Variants in RORB observed in about 807,000 individuals in gnomAD.
RORB encodes the protein RAR related orphan receptor B.
Under a neutral mutation model 59.1 loss-of-function variants are expected in RORB, and 6 were observed. The ratio of observed to expected loss-of-function variants is 0.10; its 90% CI spans 0.06 to 0.20. The LOEUF (loss-of-function observed/expected upper bound fraction) is 0.20. RORB is among the 10% of genes least tolerant of loss of function. The pLI is 1.00. For missense variants in RORB, 320 were observed against 560.5 expected (o/e 0.57, Z 4.33); for synonymous variants, 215 against 204.5 (o/e 1.05, Z -0.44).
At chr9:74,615,948 T>A (rs1823306200) in intron 1 of RORB, among the ~76,000 whole-genome samples, 1 of 152,210 alleles carries the variant, frequency 6.6e-6, no homozygotes, top group Admixed American at 6.5e-5. Flanking sequence ...CATATGAACA[T>A]CCTTCTCACA....
At position 74,497,938 on chromosome 9, in the gene RORB, C is replaced by T; in HGVS notation, c.-39C>T. On this transcript the variant is annotated 5_prime_UTR_variant, in exon 1 of 10. Coordinates refer to ENST00000376896, the MANE Select transcript of RORB (RefSeq NM_006914.4). ...GGCTCTCCGGGGTTCGGGCTGGGAGCAGCTTCATGACTACGCGGAGCGGGA... is the reference window on the plus strand; with the variant it reads ...GGCTCTCCGGGGTTCGGGCTGGGAGTAGCTTCATGACTACGCGGAGCGGGA... The T allele has an allele frequency of 6.2e-7, 1 of 1,610,286 alleles. No individual in the cohort carries two copies.
intron 1 of RORB, among the ~76,000 whole-genome samples, chr9:74,563,892 C>T (rs780980439): frequency 6.6e-6 from 1 of 152,156 alleles, no homozygotes; most frequent in African/African-American, 2.4e-5. Flanking sequence ...GTGACTATAA[C>T]AAGAAGCCAG....
chr9:74,604,470 T>C (rs761546115), intron 1 of RORB, among the ~76,000 whole-genome samples: 2 of 152,230 alleles, frequency 1.3e-5, no homozygotes, highest in Non-Finnish European at 2.9e-5. Context: ...AATTGGGTTA[T>C]CCATTCTATG....
intron 1 of RORB, among the ~76,000 whole-genome samples, chr9:74,538,810 A>G (rs1826362000): frequency 6.6e-6 from 1 of 151,840 alleles, no homozygotes; most frequent in African/African-American, 2.4e-5. Flanking sequence ...CATCGTCTTT[A>G]GAGTCAGATA....
chr9:74,523,344 G>T (rs1826109805), intron 1 of RORB, among the ~76,000 whole-genome samples: 1 of 151,498 alleles, frequency 6.6e-6, no homozygotes, highest in African/African-American at 2.4e-5. Flanking sequence ...TGCTTGGCCT[G>T]CATCTTCCTC....
chr9:74,693,008 G>A lies in RORB; in HGVS notation c.*7390G>A, dbSNP rs536272626. 6.6e-6 allele frequency: 1 copy of A among 152,272 alleles called. No individual in the cohort carries two copies. The highest frequency in any genetic ancestry group is 1.9e-4 in the East Asian group (1 of 5,192). 9.4% of individuals were successfully genotyped at this position (152,272 alleles called of 1,614,324 possible). A position where few individuals can be genotyped will look rare whatever the true frequency, so the allele number is the denominator to read the frequency against. ...AAAGAGTTTTATATTACTTTAGAAT[G>A]TAATAGGTTTTTGTCCTTATTTTAT... On this transcript the variant is annotated 3_prime_UTR_variant, in exon 10 of 10. Transcript: ENST00000376896.
intron 4 of RORB, among the ~76,000 whole-genome samples, chr9:74,655,495 GC>G (rs1824064727): frequency 2.6e-5 from 4 of 152,294 alleles, no homozygotes; most frequent in South Asian, 4.1e-4. Context: ...ATGTGAGATT[GC>G]CCAGAAAGAT....
chr9:74,500,490 G>A (rs1021061475), intron 1 of RORB, among the ~76,000 whole-genome samples: 7 of 152,136 alleles, frequency 4.6e-5, no homozygotes, highest in Admixed American at 2.6e-4. Flanking sequence ...TATGTTGGGA[G>A]AGGGGCCATT....
chr9:74,517,212 CTCA>C (rs753610040), intron 1 of RORB, among the ~76,000 whole-genome samples: 27 of 152,058 alleles, frequency 1.8e-4, no homozygotes, highest in Admixed American at 3.9e-4. Flanking sequence ...CTGAAATTCT[CTCA>C]TCATTTTTTT....
chr9:74,594,613 A>G (rs1303466850), intron 1 of RORB, among the ~76,000 whole-genome samples: 1 of 152,232 alleles, frequency 6.6e-6, no homozygotes, highest in South Asian at 2.1e-4. Context: ...GGGAAAGTTC[A>G]TAAAAATATA....
intron 3 of RORB, among the ~76,000 whole-genome samples, chr9:74,635,378 A>G (rs1322819712): frequency 3.9e-5 from 6 of 152,134 alleles, no homozygotes; most frequent in Admixed American, 3.9e-4. Context: ...TCTACACTCC[A>G]CCTTGACGCC....
Position 74,588,521 on chromosome 9 carries a change from C to T in RORB, c.8-41761C>T, listed in dbSNP as rs1212960578. Reference sequence around the variant, plus strand: ...AAGCTATTGATGGAAATAAGTCTACCTCTCATCCTAATAAATGCCAATATA... The same window carrying T: ...AAGCTATTGATGGAAATAAGTCTACTTCTCATCCTAATAAATGCCAATATA... On this transcript the variant is annotated intron_variant, in intron 1 of 9. Coordinates refer to ENST00000376896, the MANE Select transcript of RORB (RefSeq NM_006914.4). Among the ~76,000 whole-genome samples the T allele has an allele frequency of 2.6e-5, 4 of 152,080 alleles. No homozygotes were observed. The East Asian group carries it at 7.7e-4, about 29-fold the overall frequency.
chr9:74,595,595 A>G (rs1049707885), intron 1 of RORB, among the ~76,000 whole-genome samples: 1 of 152,206 alleles, frequency 6.6e-6, no homozygotes, highest in African/African-American at 2.4e-5. Flanking sequence ...AGGTGGAGCA[A>G]TTGAAAACAA....
At chr9:74,576,611 A>G (rs1404459278) in intron 1 of RORB, among the ~76,000 whole-genome samples, 2 of 152,128 alleles carry the variant, frequency 1.3e-5, no homozygotes, top group Non-Finnish European at 2.9e-5. Context: ...TCATTTTGGA[A>G]AAGTATCCAT....
Position 74,634,788 on chromosome 9 carries a change from C to T in RORB, c.235+16C>T, listed in dbSNP as rs759576778. The T allele has an allele frequency of 6.2e-7, 1 of 1,605,734 alleles. No individual in the cohort carries two copies. The highest frequency in any genetic ancestry group is 1.1e-5 in the South Asian group (1 of 89,496). Reference sequence around the variant, plus strand: ...TCAAGAGATGGTAAGACATTACCTTCCTGTTTCTTACTTAAGCCCTTTCAA... The same window carrying T: ...TCAAGAGATGGTAAGACATTACCTTTCTGTTTCTTACTTAAGCCCTTTCAA... On this transcript the variant is annotated intron_variant, in intron 3 of 9. Transcript: ENST00000376896.
intron 7 of RORB, among the ~76,000 whole-genome samples, chr9:74,666,519 G>A (rs760244201): frequency 6.6e-6 from 1 of 151,554 alleles, no homozygotes; most frequent in Non-Finnish European, 1.5e-5. Flanking sequence ...GAGTAAAAGA[G>A]CTGGGCTGAA....
At chr9:74,655,031 A>G (rs1280777997) in intron 4 of RORB, among the ~76,000 whole-genome samples, 2 of 152,216 alleles carry the variant, frequency 1.3e-5, no homozygotes, top group East Asian at 1.9e-4. Context: ...TTGCCTTATC[A>G]TGATTAAAAG....
chr9:74,669,524 A>AAATAATATAATCAT (rs1327601196), intron 8 of RORB, among the ~76,000 whole-genome samples: 1 of 151,116 alleles, frequency 6.6e-6, no homozygotes, highest in Admixed American at 6.6e-5. Context: ...ATATAATAAT[A>AAATAATATAATCAT]AATAATATAA....
chr9:74,668,983 T>C (rs1163961138), intron 8 of RORB, among the ~76,000 whole-genome samples: 2 of 152,170 alleles, frequency 1.3e-5, no homozygotes, highest in Non-Finnish European at 2.9e-5. Context: ...GCCAGCTCTG[T>C]GACCAAGTAT....
Sources: allele counts gnomAD v4.1 joint callset (sites outside exome capture counted in the v4.1 genomes callset), GRCh38; gene constraint gnomAD v4.1.1; transcripts MANE v1.5; gene names NCBI Gene and HGNC (gene_info 2026-07-23, HGNC 2026-07-21).